Variants in CCT8 observed in about 807,000 individuals in gnomAD.
CCT8 encodes chaperonin containing TCP1 subunit 8.
Under a neutral mutation model 65.7 loss-of-function variants are expected in CCT8, and 10 were observed. The ratio of observed to expected loss-of-function variants is 0.15; its 90% CI spans 0.09 to 0.26. The LOEUF (loss-of-function observed/expected upper bound fraction) is 0.26, where lower values mean the gene tolerates loss of function less well. Ranked by LOEUF, CCT8 falls within the 10% of genes least tolerant of loss-of-function variation. The pLI, the probability that CCT8 is intolerant of heterozygous loss-of-function variation, is 1.00. For missense variants in CCT8, 568 were observed against 669.1 expected, an observed-to-expected ratio of 0.85 and a Z score of 1.67; for synonymous variants, 199 against 221.8, an observed-to-expected ratio of 0.90 and a Z score of 0.92.
Position 29,056,476 on chromosome 21 carries a change from C to G in CCT8, c.1646G>C (p.Ter549SerextTer9), listed in dbSNP as rs763337716. The G allele has an allele frequency of 6.6e-7, 1 of 1,507,520 alleles. No homozygotes were observed. The highest frequency in any genetic ancestry group is 8.9e-7 in the Non-Finnish European group (1 of 1,123,976). The allele number at this position is 1,507,520 out of a possible 1,614,324, so 93.4% of individuals were successfully genotyped here. ...CCTACAGTAAAAATTAAGCCAATTT[C>G]AATCATTTTGGTCATCATCCCAGTC... ...KKDWDDDQND[*>S] The change falls in exon 15 of 15, where the codon TGA (stop) becomes TCA (serine). Residue 549 changes from the stop codon to serine (S), a stop_lost. Coordinates refer to ENST00000286788, the MANE Select transcript of CCT8 (RefSeq NM_006585.4).
intron 14 of CCT8, chr21:29,059,352 G>C (rs2085538164): frequency 6.6e-6 from 1 of 152,184 alleles, no homozygotes; most frequent in African/African-American, 2.4e-5. Flanking sequence ...TGGGGGAACA[G>C]ATCAACCAAC....
chr21:29,057,792 T>C (rs2085519732), intron 14 of CCT8, among the ~76,000 whole-genome samples: 1 of 143,690 alleles, frequency 7.0e-6, no homozygotes, highest in South Asian at 2.1e-4. Context: ...GAGATATGTA[T>C]GATATATACA....
chr21:29,073,429 C>CT (rs2146448177), intron 1 of CCT8, 102 bp downstream of exon 1: 1 of 1,582,964 alleles, frequency 6.3e-7, no homozygotes, highest in South Asian at 1.1e-5. Flanking sequence ...GCCGCTGAGC[C>CT]AGGGCAGCAC....
intron 4 of CCT8, 105 bp downstream of exon 4, chr21:29,067,451 C>T: frequency 1.2e-6 from 1 of 830,060 alleles, no homozygotes; most frequent in Non-Finnish European, 1.7e-6. Flanking sequence ...GCAAACTGCT[C>T]AGTGCATGTT....
chr21:29,069,818 T>G (rs184978099), intron 2 of CCT8, among the ~76,000 whole-genome samples: 234 of 152,342 alleles, frequency 1.5e-3, no homozygotes, highest in South Asian at 2.7e-3. Flanking sequence ...CAACAGAAAT[T>G]AACATGTAAA....
At chr21:29,069,040 ATTGTTT>A (rs2085654487) in intron 3 of CCT8, among the ~76,000 whole-genome samples, 1 of 152,158 alleles carries the variant, frequency 6.6e-6, no homozygotes, top group African/African-American at 2.4e-5. Flanking sequence ...CCATCAACTG[ATTGTTT>A]TTATTTTCAC....
At chr21:29,073,236 T>C (rs2085703017) in intron 1 of CCT8, 5 of 1,285,542 alleles carry the variant, frequency 3.9e-6, no homozygotes, top group South Asian at 1.8e-5. Context: ...CTTAGCCCCA[T>C]TTACGGATGG....
chr21:29,067,098 C>A (rs1480904019), intron 4 of CCT8, 27 bp from the exon 5 acceptor site: 2 of 1,549,534 alleles, frequency 1.3e-6, no homozygotes, highest in African/African-American at 1.4e-5. Context: ...ATTTCCTATT[C>A]TGACATGACT....
chr21:29,073,518 C>T lies in CCT8; in HGVS notation c.60+13G>A. 3 of 1,614,128 alleles carry T rather than the reference C, an allele frequency of 1.9e-6. No homozygotes were observed. Among genetic ancestry groups the T allele is most frequent in the East Asian group, 4.5e-5 (2 of 44,878 alleles). ...CTGACGCTCCCACCTCATTCCTTTC[C>T]TTCAGCCCTTACTTTCGCTCCCTCC... On this transcript the variant is annotated intron_variant, in intron 1 of 14. Coordinates refer to ENST00000286788, the MANE Select transcript of CCT8 (RefSeq NM_006585.4).
chr21:29,072,941 A>C (rs1159072098), intron 1 of CCT8, among the ~76,000 whole-genome samples: 1 of 152,236 alleles, frequency 6.6e-6, no homozygotes, highest in Admixed American at 6.5e-5. Flanking sequence ...AAACCCAAGA[A>C]AGTTACATTT....
chr21:29,063,385 T>C lies in CCT8; in HGVS notation c.908A>G (p.His303Arg), dbSNP rs1568911694. Residue 303 changes from histidine to arginine, a missense_variant, in exon 8 of 15, where the codon CAT becomes CGT. By Grantham distance (29) the His-to-Arg change is conservative (BLOSUM62 0). Transcript: ENST00000286788. The stretch of plus-strand genomic sequence containing the variant: ...CATGATATTATATTTATTTGCATAA[T>C]GAAGAGCCATGTCTGCCACTTTGCC... ...TGGKVADMAL[H>R]YANKYNIMLV... 6.2e-7 allele frequency: 1 copy of C among 1,613,912 alleles called. No individual in the cohort carries two copies. The highest frequency in any genetic ancestry group is 8.5e-7 in the Non-Finnish European group (1 of 1,180,000).
intron 1 of CCT8, among the ~76,000 whole-genome samples, chr21:29,071,459 G>A (rs920656367): frequency 1.4e-5 from 2 of 145,920 alleles, no homozygotes; most frequent in Admixed American, 6.8e-5. Context: ...ATCGTGGCAC[G>A]ATCTCAGCTC....
At chr21:29,066,484 A>G (rs901088567) in intron 6 of CCT8, among the ~76,000 whole-genome samples, 1 of 152,244 alleles carries the variant, frequency 6.6e-6, no homozygotes, top group Non-Finnish European at 1.5e-5. Context: ...GGTTGCGGTG[A>G]GCCGAGGTCA....
intron 3 of CCT8, among the ~76,000 whole-genome samples, chr21:29,068,038 T>C (rs2085642995): frequency 6.6e-6 from 1 of 152,218 alleles, no homozygotes; most frequent in Non-Finnish European, 1.5e-5. Context: ...ACCTAGATAT[T>C]TTTTAAAAGC....
intron 1 of CCT8, chr21:29,072,117 C>G (rs758181307): frequency 5.4e-5 from 33 of 610,184 alleles, no homozygotes; most frequent in Non-Finnish European, 9.3e-5. Context: ...ACAGCCCAGG[C>G]TCAGGGGCTT....
chr21:29,064,663 A>C (rs542052664), intron 7 of CCT8, among the ~76,000 whole-genome samples: 21 of 152,190 alleles, frequency 1.4e-4, no homozygotes, highest in Non-Finnish European at 2.6e-4. Flanking sequence ...CAGAATGTCA[A>C]CTTTATTTTC....
chr21:29,058,782 C>G (rs11088107), intron 14 of CCT8, among the ~76,000 whole-genome samples: 57,398 of 151,496 alleles, frequency 0.38, 12,139 homozygotes, highest in South Asian at 0.52. Context: ...TTAGTAGAGA[C>G]GGGATTTCAC....
intron 1 of CCT8, 149 bp downstream of exon 1, chr21:29,073,382 A>C (rs2085705507): frequency 2.7e-6 from 4 of 1,461,946 alleles, no homozygotes; most frequent in Middle Eastern, 2.2e-4. Context: ...GAGCCCTTCC[A>C]AAATCACCTC....
chr21:29,070,815 T>G (rs542562129), intron 1 of CCT8, among the ~76,000 whole-genome samples: 3 of 152,340 alleles, frequency 2.0e-5, no homozygotes, highest in Non-Finnish European at 4.4e-5. Flanking sequence ...GTAGAATACC[T>G]TTCCAGAATT....
Sources: gnomAD v4.1 joint callset for allele counts (sites outside exome capture counted in the v4.1 genomes callset) on GRCh38, gnomAD v4.1.1 for gene constraint, MANE v1.5 for transcripts, NCBI Gene and HGNC (gene_info 2026-07-23, HGNC 2026-07-21) for gene names.